The following FGF3 variants were observed in gnomAD, a reference collection of about 807,000 sequenced individuals.
The protein encoded by FGF3 is FGF-3.
In FGF3, 7 loss-of-function variants were observed where a neutral mutation model predicts 9.8. The ratio of observed to expected loss-of-function variants is 0.72; its 90% confidence interval spans 0.41 to 1.35. The LOEUF (loss-of-function observed/expected upper bound fraction) is 1.35, where lower values mean the gene tolerates loss of function less well. Among genes scored for constraint, FGF3 ranks in the 40% most tolerant of loss-of-function variants. The pLI, the probability that FGF3 is intolerant of heterozygous loss-of-function variation, is 0.01. For synonymous variants in FGF3, 173 were observed against 157.2 expected (o/e 1.10, Z -0.75); for missense variants, 390 against 345.6 (o/e 1.13, Z -1.02).
Position 69,810,341 on chromosome 11 carries a change from C to T in FGF3, c.684G>A (p.Ser228=), listed in dbSNP as rs781790410. The T allele has an allele frequency of 3.1e-5, 49 of 1,568,230 alleles. No individual in the cohort carries two copies. The highest frequency in any genetic ancestry group is 4.1e-5 in the Non-Finnish European group (47 of 1,151,714). ...TGGCCTCCAGCTGGGAGCCCAGTCT[C>T]GAAGCCTGAACGTGAGAGGGCTCCA... ...DNLEPSHVQA[S]RLGSQLEASA... The change falls in exon 3 of 3, where the codon TCG becomes TCA. Residue 228 remains serine (S), a synonymous_variant. Transcript: ENST00000334134.
At chr11:69,813,437 G>A (rs1590962822) in intron 2 of FGF3, among the ~76,000 whole-genome samples, 1 of 152,246 alleles carries the variant, frequency 6.6e-6, no homozygotes, top group African/African-American at 2.4e-5. Flanking sequence ...CATGAACTGG[G>A]CTGATTTGCT....
intron 2 of FGF3, among the ~76,000 whole-genome samples, chr11:69,813,854 GGGTGGATGGATGGATA>G (rs1856080344): frequency 6.7e-6 from 1 of 150,318 alleles, no homozygotes; most frequent in South Asian, 2.1e-4. Flanking sequence ...TTGGATGGAT[GGGTGGATGGATGGATA>G]GGTGGATGGA....
chr11:69,815,107 G>GTGGA (rs59823352), intron 2 of FGF3, among the ~76,000 whole-genome samples: 58 of 147,678 alleles, frequency 3.9e-4, no homozygotes, highest in East Asian at 1.8e-3. Context: ...GGGTGGATAG[G>GTGGA]TGGATGGATG....
At chr11:69,814,094 G>A (rs1468422934) in intron 2 of FGF3, among the ~76,000 whole-genome samples, 2 of 151,664 alleles carry the variant, frequency 1.3e-5, no homozygotes, top group African/African-American at 2.4e-5. Context: ...AGGAAGGAGA[G>A]GTGTATGGAC....
At chr11:69,818,657 G>A (rs1856184380) in intron 1 of FGF3, 57 bp downstream of exon 1, 1 of 1,330,322 alleles carries the variant, frequency 7.5e-7, no homozygotes, top group Non-Finnish European at 9.8e-7. Context: ...GCCTTCTCCC[G>A]GGCCCGACCC....
intron 2 of FGF3, among the ~76,000 whole-genome samples, chr11:69,813,823 G>GAT (rs1856078040): frequency 7.5e-6 from 1 of 132,796 alleles, no homozygotes; most frequent in Middle Eastern, 3.5e-3. Flanking sequence ...TGGGTGGATG[G>GAT]GTGGATGGGT....
intron 2 of FGF3, among the ~76,000 whole-genome samples, chr11:69,813,080 A>G (rs1399500134): frequency 1.3e-5 from 2 of 152,072 alleles, no homozygotes; most frequent in Non-Finnish European, 2.9e-5. Flanking sequence ...GCCCCACCAG[A>G]CCTGGTTCCA....
intron 2 of FGF3, among the ~76,000 whole-genome samples, chr11:69,813,206 C>T (rs1210658004): frequency 6.6e-6 from 1 of 152,146 alleles, no homozygotes; most frequent in Admixed American, 6.5e-5. Flanking sequence ...GGGGCGGGCA[C>T]TTTCTCATGG....
At chr11:69,813,270 A>G (rs1159837683) in intron 2 of FGF3, among the ~76,000 whole-genome samples, 2 of 152,170 alleles carry the variant, frequency 1.3e-5, no homozygotes, top group Non-Finnish European at 2.9e-5. Flanking sequence ...TGAGCAGTAC[A>G]GATGGCTTGG....
chr11:69,814,596 G>A (rs1371350317), intron 2 of FGF3, among the ~76,000 whole-genome samples: 1 of 152,082 alleles, frequency 6.6e-6, no homozygotes. Flanking sequence ...CCCCGTGGTG[G>A]GACAGCACTC....
In FGF3 at chr11:69,813,752, A is replaced by G. The variant is rs1312048251; in HGVS notation, c.324+2568T>C. On this transcript the variant is annotated intron_variant, in intron 2 of 2. Transcript: ENST00000334134. ...GATGGATGGGTGGATGGCTGGATGG[A>G]TGGATGGGTGGATGGGTGGATGGAT... 4.8e-3 allele frequency among the ~76,000 whole-genome samples: 248 copies of G among 52,204 alleles called. 7 individuals carry two copies. The highest frequency in any genetic ancestry group is 0.032 in the Middle Eastern group (3 of 94). 34.2% of individuals were successfully genotyped at this position (52,204 alleles called of 152,430 possible).
chr11:69,810,277 G>A lies in FGF3; in HGVS notation c.*28C>T. The A allele has an allele frequency of 6.5e-6, 10 of 1,533,034 alleles. No individual in the cohort carries two copies. Among genetic ancestry groups the A allele is most frequent in the South Asian group, 1.2e-5 (1 of 82,602 alleles). 95.0% of individuals were successfully genotyped at this position (1,533,034 alleles called of 1,614,324 possible). A position where few individuals can be genotyped will look rare whatever the true frequency, so the allele number is the denominator to read the frequency against. On this transcript the variant is annotated 3_prime_UTR_variant, in exon 3 of 3. Transcript: ENST00000334134. The stretch of plus-strand genomic sequence containing the variant: ...GGCTGCCACGCCAAGATGTCGCCAG[G>A]AGCTCTGGCGGTGGCCACCAGGCCC...
intron 1 of FGF3, among the ~76,000 whole-genome samples, chr11:69,816,961 C>G (rs1856142994): frequency 6.6e-6 from 1 of 152,206 alleles, no homozygotes; most frequent in African/African-American, 2.4e-5. Context: ...GCCTGCCACC[C>G]AGATCATGCT....
chr11:69,818,848 G>T lies in FGF3; in HGVS notation c.86C>A (p.Ala29Glu), dbSNP rs781998314. ...AGPGARLRRD[A>E]GGRGGVYEHL... The stretch of plus-strand genomic sequence containing the variant: ...CTCGTAGACGCCGCCACGGCCGCCC[G>T]CATCGCGCCGCAACCGCGCCCCAGG... The change falls in exon 1 of 3, where the codon GCG (alanine) becomes GAG (glutamate). Residue 29 changes from alanine (A) to glutamate (E), a missense_variant. Transcript: ENST00000334134. 34 of 1,469,860 alleles carry T rather than the reference G, an allele frequency of 2.3e-5. 1 individual carries two copies. Among genetic ancestry groups the T allele is most frequent in the Admixed American group, 9.6e-5 (4 of 41,502 alleles). The allele number at this position is 1,469,860 out of a possible 1,614,324, so 91.1% of individuals were successfully genotyped here. A position where few individuals can be genotyped will look rare whatever the true frequency, so the allele number is the denominator to read the frequency against.
In FGF3 at chr11:69,810,392, C is replaced by A; in HGVS notation, c.633G>T (p.Arg211=). The change falls in exon 3 of 3, where the codon CGG becomes CGT. Residue 211 remains arginine (R), a synonymous_variant. Transcript: ENST00000334134. ...GGTTATCCGGGCTCTGCTTCTGCCG[C>A]CGCCGTCGGGGCTGGACCCCCTTAC... ...PPGKGVQPRR[R]RQKQSPDNLE... is the part of the protein sequence containing the mutation. 6.4e-7 allele frequency: 1 copy of A among 1,558,634 alleles called. No homozygotes were observed. Among genetic ancestry groups the A allele is most frequent in the Non-Finnish European group, 8.7e-7 (1 of 1,148,674 alleles).
In FGF3 at chr11:69,810,699, T is replaced by A; in HGVS notation, c.326A>T (p.Glu109Val). ...MNKRGRLYAS[E>V]HYSAECEFVE... ...AAACTCGCACTCGGCGCTGTAGTGC[T>A]CCTGCGGGGATGAGATATCATGGTC... The change falls in exon 3 of 3, where the codon GAG (glutamate) becomes GTG (valine). Residue 109 changes from glutamate to valine, a missense_variant and splice_region_variant. Transcript: ENST00000334134. 3.8e-6 allele frequency: 6 copies of A among 1,577,160 alleles called. No homozygotes were observed. Among genetic ancestry groups the A allele is most frequent in the Non-Finnish European group, 5.2e-6 (6 of 1,157,860 alleles).
chr11:69,814,383 G>A (rs1255684253), intron 2 of FGF3, among the ~76,000 whole-genome samples: 2 of 152,022 alleles, frequency 1.3e-5, no homozygotes, highest in Admixed American at 6.6e-5. Context: ...TGAGTGGCTG[G>A]TGGGGCGATG....
chr11:69,811,473 GAA>G (rs200942156), intron 2 of FGF3, among the ~76,000 whole-genome samples: 1 of 142,558 alleles, frequency 7.0e-6, no homozygotes, highest in East Asian at 2.0e-4. Flanking sequence ...AAAAAGAAAA[GAA>G]AAAAAAAGAA....
In FGF3 at chr11:69,818,803, C is replaced by G. The variant is rs1856187532; in HGVS notation, c.131G>C (p.Arg44Pro). Residue 44 changes from arginine (R) to proline (P), a missense_variant, in exon 1 of 3, where the codon CGG (arginine) becomes CCG (proline). Arg to Pro is a moderately radical substitution (Grantham distance 103). Coordinates refer to ENST00000334134, the MANE Select transcript of FGF3 (RefSeq NM_005247.4). ...CGTGGCGCAGTAGAGCTTGCGGCGCCGGGGCGCCCCGCCAAGGTGCTCGTA... is the reference window on the plus strand; with the variant it reads ...CGTGGCGCAGTAGAGCTTGCGGCGCGGGGGCGCCCCGCCAAGGTGCTCGTA... ...GVYEHLGGAP[R>P]RRKLYCATKY... 1 of 1,491,388 alleles carries G rather than the reference C, an allele frequency of 6.7e-7. No individual in the cohort carries two copies. Among genetic ancestry groups the G allele is most frequent in the Non-Finnish European group, 8.9e-7 (1 of 1,127,578 alleles). The allele number at this position is 1,491,388 out of a possible 1,614,324, so 92.4% of individuals were successfully genotyped here. A position where few individuals can be genotyped will look rare whatever the true frequency, so the allele number is the denominator to read the frequency against.
Sources: allele counts gnomAD v4.1 joint callset (sites outside exome capture counted in the v4.1 genomes callset), GRCh38; gene constraint gnomAD v4.1.1; transcripts MANE v1.5; gene names NCBI Gene and HGNC (gene_info 2026-07-23, HGNC 2026-07-21).